ADNP2: variants seen among roughly 807,000 people sequenced by gnomAD.
ADNP2 encodes the protein ADNP homeobox 2.
A neutral mutation model predicts 16.4 loss-of-function variants in ADNP2; 8 were observed. The observed-to-expected ratio is 0.49, with a 90% CI of 0.29 to 0.88. The LOEUF is 0.88. Ranked by LOEUF, ADNP2 falls within the 40% of genes least tolerant of loss-of-function variation. The pLI is 0.09. For synonymous variants in ADNP2, 637 were observed against 545.8 expected (o/e 1.17, Z -2.33); for missense variants, 1,397 against 1,395.1 (o/e 1.00, Z -0.02).
intron 3 of ADNP2, among the ~76,000 whole-genome samples, 184 bp downstream of exon 3, chr18:80,133,376 G>T (rs1173553593): frequency 6.6e-6 from 1 of 152,186 alleles, no homozygotes; most frequent in African/African-American, 2.4e-5. Flanking sequence ...GGTTACTGAT[G>T]CTCTGTTCTG....
At chr18:80,114,235 A>G (rs1471901241) in intron 1 of ADNP2, among the ~76,000 whole-genome samples, 5 of 151,942 alleles carry the variant, frequency 3.3e-5, no homozygotes. Context: ...GGTATTGCCA[A>G]ATTACCCTGT....
chr18:80,136,226 A>G lies in ADNP2; in HGVS notation c.813A>G (p.Ala271=), dbSNP rs1022846717. ...AAACGCACATTGCTCCAAAACCAGC[A>G]GCACATTTGGCTGCACCAGCAAATG... is the stretch of plus-strand genomic sequence containing the variant. ...LKQTHIAPKP[A]AHLAAPANGS... Residue 271 remains alanine (A), a synonymous_variant, in exon 4 of 4, where the codon GCA becomes GCG. Coordinates refer to ENST00000262198, the MANE Select transcript of ADNP2 (RefSeq NM_014913.4). 29 of 1,614,154 alleles carry G rather than the reference A, an allele frequency of 1.8e-5. No homozygotes were observed. Among genetic ancestry groups the G allele is most frequent in the African/African-American group, 5.3e-5 (4 of 74,962 alleles).
At position 80,137,713 on chromosome 18, in the gene ADNP2, T is replaced by C; in HGVS notation, c.2300T>C (p.Met767Thr). Reference protein sequence around the residue: ...SEEELIHHLLMHGLGCLFCPC... With the variant: ...SEEELIHHLLTHGLGCLFCPC... The stretch of plus-strand genomic sequence containing the variant: ...GAAGAGCTTATACACCACTTGCTGA[T>C]GCATGGCTTGGGGTGCTTGTTCTGT... The change falls in exon 4 of 4, where the codon ATG (methionine) becomes ACG (threonine). Residue 767 changes from methionine (M) to threonine (T), a missense_variant. This residue lies in a region of ADNP2 where 611 missense variants were observed against 648.7 expected (regional missense o/e 0.94). Coordinates refer to ENST00000262198, the MANE Select transcript of ADNP2 (RefSeq NM_014913.4). The surrounding 1 kb of genome is among the most constrained non-coding windows in gnomAD (Gnocchi z 4.2). The C allele has an allele frequency of 6.2e-7, 1 of 1,614,194 alleles. No homozygotes were observed. The highest frequency in any genetic ancestry group is 8.5e-7 in the Non-Finnish European group (1 of 1,180,034).
Position 80,138,061 on chromosome 18 carries a change from C to G in ADNP2, c.2648C>G (p.Pro883Arg), listed in dbSNP as rs746248622. Residue 883 changes from proline (P) to arginine (R), a missense_variant, in exon 4 of 4, where the codon CCC becomes CGC. Transcript: ENST00000262198. ...TCCACCTGCCCCTTTTGCTTTGGCC[C>G]CTTTGTGACAACTGAGGCCTATGAG... is the stretch of plus-strand genomic sequence containing the variant. Reference protein sequence around the residue: ...RVSTCPFCFGPFVTTEAYELH... With the variant: ...RVSTCPFCFGRFVTTEAYELH... 3 of 1,613,782 alleles carry G rather than the reference C, an allele frequency of 1.9e-6. No homozygotes were observed. The South Asian group carries it at 3.3e-5, about 18-fold the overall frequency.
chr18:80,131,526 C>T (rs76058923), intron 2 of ADNP2, among the ~76,000 whole-genome samples: 2,420 of 149,702 alleles, frequency 0.016, 34 homozygotes, highest in Middle Eastern at 0.036. Context: ...TGAACAATAG[C>T]GGTAAGGTAT....
chr18:80,126,018 A>G (rs984357072), intron 2 of ADNP2, among the ~76,000 whole-genome samples: 11 of 151,702 alleles, frequency 7.3e-5, no homozygotes, highest in Non-Finnish European at 1.0e-4. Context: ...GATTATTGAT[A>G]TGGTTGGTTT....
In ADNP2 at chr18:80,116,572, G is replaced by A. The variant is rs564872081; in HGVS notation, c.-13-958G>A. Among the ~76,000 whole-genome samples, 11 of 151,950 alleles carry A rather than the reference G, an allele frequency of 7.2e-5. No homozygotes were observed. In the East Asian group the frequency reaches 2.1e-3, roughly 29 times the overall value. On this transcript the variant is annotated intron_variant, in intron 1 of 3. Coordinates refer to ENST00000262198, the MANE Select transcript of ADNP2 (RefSeq NM_014913.4). ...TTTTTTTTTCTTTATAGATATCCTG[G>A]TGGGCACAGTATCTCTTTGTGGTTT... is the stretch of plus-strand genomic sequence containing the variant.
rs564202216 is a variant in ADNP2, at chr18:80,110,442, G to C, written c.-14+970G>C. On this transcript the variant is annotated intron_variant, in intron 1 of 3. Transcript: ENST00000262198. ...GGAGTGGGGTGGGGGAGGAGAAACT[G>C]GTAAGCAGGTAACTGACAATGCAGA... Among the ~76,000 whole-genome samples, 17 of 152,230 alleles carry C rather than the reference G, an allele frequency of 1.1e-4. No homozygotes were observed. The South Asian group carries it at 3.5e-3, about 32-fold the overall frequency.
In ADNP2 at chr18:80,138,387, C is replaced by T. The variant is rs1157469673; in HGVS notation, c.2974C>T (p.His992Tyr). The change falls in exon 4 of 4, where the codon CAT becomes TAT. Residue 992 changes from histidine to tyrosine, a missense_variant. His to Tyr is a moderately conservative substitution (Grantham distance 83). Transcript: ENST00000262198. ...DGHLGAEDQR[H>Y]GEEQPPILNA... ...CCACTTAGGGGCCGAAGACCAGCGG[C>T]ATGGGGAGGAGCAGCCTCCCATCCT... The T allele has an allele frequency of 4.3e-6, 7 of 1,613,962 alleles. No individual in the cohort carries two copies. Among genetic ancestry groups the T allele is most frequent in the Non-Finnish European group, 5.9e-6 (7 of 1,180,042 alleles).
chr18:80,116,711 C>T (rs1202304001), intron 1 of ADNP2, among the ~76,000 whole-genome samples: 1 of 152,180 alleles, frequency 6.6e-6, no homozygotes, highest in African/African-American at 2.4e-5. Flanking sequence ...ATCAGACTCA[C>T]TGCAGCCTTG....
chr18:80,123,966 A>G (rs994895004), intron 2 of ADNP2, among the ~76,000 whole-genome samples: 3 of 151,702 alleles, frequency 2.0e-5, no homozygotes, highest in Admixed American at 6.6e-5. Flanking sequence ...CTGACCTCAA[A>G]TGATTTACCC....
chr18:80,111,438 T>C (rs2052356313), intron 1 of ADNP2, among the ~76,000 whole-genome samples: 1 of 152,080 alleles, frequency 6.6e-6, no homozygotes, highest in Non-Finnish European at 1.5e-5. Context: ...ATGGTGGAGC[T>C]GATGTAAACC....
intron 2 of ADNP2, among the ~76,000 whole-genome samples, chr18:80,123,519 G>A (rs111291098): frequency 6.6e-6 from 1 of 151,064 alleles, no homozygotes; most frequent in Non-Finnish European, 1.5e-5. Flanking sequence ...TCAGGCATGC[G>A]CCACCACACC....
chr18:80,122,215 C>G (rs546542575), intron 2 of ADNP2, among the ~76,000 whole-genome samples: 1 of 152,088 alleles, frequency 6.6e-6, no homozygotes, highest in African/African-American at 2.4e-5. Flanking sequence ...CCACTGTGCC[C>G]GGCACCTATA....
rs2052539437 is a variant in ADNP2, at chr18:80,136,774, T to C, written c.1361T>C (p.Met454Thr). The C allele has an allele frequency of 1.9e-6, 3 of 1,597,762 alleles. No individual in the cohort carries two copies. The East Asian group carries it at 6.8e-5, about 36-fold the overall frequency. ...TCTGGAGTCCTTCCTGCAGGCCAGA[T>C]GACTCCTGCAGGCCAGATGACTCCT... The part of the protein sequence containing the change: ...VPSGVLPAGQ[M>T]TPAGQMTPAG... Residue 454 changes from methionine to threonine, a missense_variant, in exon 4 of 4, where the codon ATG becomes ACG. Physicochemically the swap from Met to Thr is moderately conservative, Grantham distance 81. Transcript: ENST00000262198.
intron 2 of ADNP2, among the ~76,000 whole-genome samples, chr18:80,132,598 TTTCTC>T (rs998594339): frequency 6.6e-6 from 1 of 151,536 alleles, no homozygotes; most frequent in Non-Finnish European, 1.5e-5. Context: ...CTTCCTCTCT[TTTCTC>T]TTTCTCTTTC....
intron 3 of ADNP2, among the ~76,000 whole-genome samples, chr18:80,134,418 T>TGTGTGTGTGA (rs143942110): frequency 6.2e-4 from 84 of 136,554 alleles, no homozygotes; most frequent in Non-Finnish European, 9.5e-4. Context: ...TGTGTGTGTG[T>TGTGTGTGTGA]GAGAGAGAGT....
chr18:80,124,657 A>T (rs564231192), intron 2 of ADNP2, among the ~76,000 whole-genome samples: 167 of 152,068 alleles, frequency 1.1e-3, no homozygotes, highest in African/African-American at 3.2e-3. Flanking sequence ...AATCATCTTA[A>T]CCTTCAGCCC....
At chr18:80,110,642 G>T (rs529986520) in intron 1 of ADNP2, among the ~76,000 whole-genome samples, 2 of 152,338 alleles carry the variant, frequency 1.3e-5, no homozygotes, top group South Asian at 4.1e-4. Context: ...GTATTTGGAA[G>T]TCGGTAATGT....
Sources: gnomAD v4.1 joint callset for allele counts (sites outside exome capture counted in the v4.1 genomes callset) on GRCh38, gnomAD v4.1.1 for gene constraint, gnomAD v4.1.1 regional missense constraint, Gnocchi (gnomAD v3.1) non-coding constraint, MANE v1.5 for transcripts, NCBI Gene and HGNC (gene_info 2026-07-23, HGNC 2026-07-21) for gene names.